TLK2: variants seen among roughly 807,000 people sequenced by gnomAD.
TLK2 encodes tousled like kinase 2.
A neutral mutation model predicts 117.3 loss-of-function variants in TLK2; 6 were observed. The observed-to-expected ratio is 0.05, with a 90% CI of 0.03 to 0.10. The LOEUF is 0.10. Among genes scored for constraint, TLK2 ranks in the 10% least tolerant of loss-of-function variants. The pLI, the probability that TLK2 is intolerant of heterozygous loss-of-function variation, is 1.00. For missense variants in TLK2, 299 were observed against 901.2 expected, an observed-to-expected ratio of 0.33 and a Z score of 8.56; for synonymous variants, 257 against 316.7, an observed-to-expected ratio of 0.81 and a Z score of 2.00.
At chr17:62,539,862 C>G (rs1341423321) in intron 7 of TLK2, among the ~76,000 whole-genome samples, 1 of 152,144 alleles carries the variant, frequency 6.6e-6, no homozygotes, top group Non-Finnish European at 1.5e-5. Flanking sequence ...CAGAGGACTT[C>G]CAAGTTTATG....
At chr17:62,590,097 G>A (rs560528876) in intron 16 of TLK2, among the ~76,000 whole-genome samples, 12 of 147,086 alleles carry the variant, frequency 8.2e-5, no homozygotes, top group South Asian at 2.3e-4. Flanking sequence ...ATGAGCCACC[G>A]TGCCCGGCCT....
intron 2 of TLK2, among the ~76,000 whole-genome samples, chr17:62,503,174 C>G (rs770500030): frequency 6.6e-6 from 1 of 150,920 alleles, no homozygotes; most frequent in Non-Finnish European, 1.5e-5. Flanking sequence ...ATTCTCCTGC[C>G]TCAGCCTCCC....
At chr17:62,517,922 T>C (rs1327963315) in intron 2 of TLK2, among the ~76,000 whole-genome samples, 1 of 151,892 alleles carries the variant, frequency 6.6e-6, no homozygotes, top group Non-Finnish European at 1.5e-5. Flanking sequence ...GGTCTTGAAC[T>C]CCTGACCTCA....
At chr17:62,516,013 C>T (rs879294212) in intron 2 of TLK2, among the ~76,000 whole-genome samples, 3 of 152,080 alleles carry the variant, frequency 2.0e-5, no homozygotes, top group Non-Finnish European at 2.9e-5. Context: ...CAAACTCCTC[C>T]TCCCGGGTTC....
intron 2 of TLK2, among the ~76,000 whole-genome samples, chr17:62,495,050 T>C (rs2073507981): frequency 6.6e-6 from 1 of 151,842 alleles, no homozygotes; most frequent in Non-Finnish European, 1.5e-5. Flanking sequence ...ACTTGTAACC[T>C]CAACTACTTG....
chr17:62,604,685 C>T (rs1007144259), intron 19 of TLK2, among the ~76,000 whole-genome samples: 20 of 151,426 alleles, frequency 1.3e-4, no homozygotes, highest in Admixed American at 2.0e-4. Context: ...CCAAGGCGGG[C>T]GGATCATGAG....
rs541997631 is a variant in TLK2, at chr17:62,523,245, T to A, written c.267+68T>A. 1,297 of 1,550,154 alleles carry A rather than the reference T, an allele frequency of 8.4e-4. 1 individual carries two copies. The highest frequency in any genetic ancestry group is 1.0e-3 in the Non-Finnish European group (1,151 of 1,151,328). On this transcript the variant is annotated intron_variant, in intron 5 of 21. Transcript: ENST00000346027. ...AAAAAAACTCTATAGTGATTTTTTT[T>A]AAAAAACCCTAAATCCTTGTGTTCA...
rs1555628574 is a variant in TLK2 at position 62,546,344 on chromosome 17, G to GTTTGTT, written c.532-5955_532-5954insGTTTTT. ...GTTCCCTATTTTGAGTTTGTTGATT[G>GTTTGTT]TTTTTTTTTTTTTTTTACATAATGA... On this transcript the variant is annotated intron_variant, in intron 7 of 21. Coordinates refer to ENST00000346027, the MANE Select transcript of TLK2 (RefSeq NM_006852.6). Among the ~76,000 whole-genome samples, 3 of 23,346 alleles carry GTTTGTT rather than the reference G, an allele frequency of 1.3e-4. 1 individual carries two copies. The highest frequency in any genetic ancestry group is 3.0e-4 in the African/African-American group (3 of 9,872). 15.3% of individuals were successfully genotyped at this position (23,346 alleles called of 152,430 possible). A position where few individuals can be genotyped will look rare whatever the true frequency, so the allele number is the denominator to read the frequency against.
At chr17:62,570,541 A>T (rs533622794) in intron 11 of TLK2, among the ~76,000 whole-genome samples, 1 of 152,302 alleles carries the variant, frequency 6.6e-6, no homozygotes, top group African/African-American at 2.4e-5. Context: ...TCCCAAAATA[A>T]ATCTAAATGA....
chr17:62,510,800 C>T (rs146343033), intron 2 of TLK2, among the ~76,000 whole-genome samples: 1,888 of 152,202 alleles, frequency 0.012, 31 homozygotes, highest in African/African-American at 0.043. Flanking sequence ...ATTAGGGCTT[C>T]AACATAGGAA....
chr17:62,481,640 T>C (rs191059222), intron 2 of TLK2, among the ~76,000 whole-genome samples: 3 of 152,310 alleles, frequency 2.0e-5, no homozygotes, highest in East Asian at 3.9e-4. Context: ...TCTTTACTGG[T>C]TGCACCCCCA....
chr17:62,583,956 C>T (rs1190918245), intron 15 of TLK2, among the ~76,000 whole-genome samples: 1 of 152,022 alleles, frequency 6.6e-6, no homozygotes, highest in Non-Finnish European at 1.5e-5. Flanking sequence ...TGCTGTTCTC[C>T]ACTCTCCACA....
chr17:62,587,838 T>TA (rs1169156460), intron 16 of TLK2, among the ~76,000 whole-genome samples: 3 of 152,112 alleles, frequency 2.0e-5, no homozygotes, highest in African/African-American at 7.2e-5. Flanking sequence ...TTCTGACCAG[T>TA]TATAAGTGAG....
At chr17:62,521,178 G>A (rs2042191877) in intron 3 of TLK2, among the ~76,000 whole-genome samples, 1 of 152,084 alleles carries the variant, frequency 6.6e-6, no homozygotes, top group African/African-American at 2.4e-5. Flanking sequence ...AGATAGCACT[G>A]CTTAATTAAC....
At chr17:62,544,390 G>A (rs1043281916) in intron 7 of TLK2, among the ~76,000 whole-genome samples, 5 of 152,230 alleles carry the variant, frequency 3.3e-5, no homozygotes, top group African/African-American at 1.2e-4. Context: ...AGAGTGAAGG[G>A]GAAAGTGCCA....
chr17:62,572,534 C>T (rs967565030), intron 11 of TLK2, among the ~76,000 whole-genome samples: 2 of 152,070 alleles, frequency 1.3e-5, no homozygotes, highest in African/African-American at 4.8e-5. Context: ...AGATTAACTG[C>T]AGTTGTAAAA....
intron 10 of TLK2, among the ~76,000 whole-genome samples, chr17:62,563,349 T>G (rs1204931867): frequency 1.3e-5 from 2 of 152,020 alleles, no homozygotes; most frequent in African/African-American, 4.8e-5. Context: ...GAGGCTGAGG[T>G]GGGAGGATCA....
intron 10 of TLK2, among the ~76,000 whole-genome samples, chr17:62,561,669 T>C (rs1758285072): frequency 6.6e-6 from 1 of 152,256 alleles, no homozygotes; most frequent in African/African-American, 2.4e-5. Flanking sequence ...TGAAATGAAT[T>C]ATTTTATTGA....
chr17:62,586,957 G>A (rs953800469), intron 16 of TLK2, among the ~76,000 whole-genome samples: 2 of 152,090 alleles, frequency 1.3e-5, no homozygotes, highest in African/African-American at 4.8e-5. Flanking sequence ...GGTGGCACCT[G>A]TTTGACTTGT....
Sources: gnomAD v4.1 joint callset for allele counts (sites outside exome capture counted in the v4.1 genomes callset) on GRCh38, gnomAD v4.1.1 for gene constraint, MANE v1.5 for transcripts, NCBI Gene and HGNC (gene_info 2026-07-23, HGNC 2026-07-21) for gene names.